The following SPMIP3 variants were observed in gnomAD, a reference collection of about 807,000 sequenced individuals.
SPMIP3 encodes sperm microtubule inner protein 3.
chr1:244,376,688 T>A, the SPMIP3 span, among the ~76,000 whole-genome samples: 1 of 152,250 alleles, frequency 6.6e-6, no homozygotes, highest in Non-Finnish European at 1.5e-5. Flanking sequence ...ATACGATTTA[T>A]CCATTTAATT....
the SPMIP3 span, chr1:244,378,609 C>T: frequency 4.6e-5 from 74 of 1,613,656 alleles, no homozygotes; most frequent in East Asian, 4.5e-5. Context: ...CACTTACCGA[C>T]GAGACTATTC....
At chr1:244,358,430 C>T in the SPMIP3 span, among the ~76,000 whole-genome samples, 4 of 151,346 alleles carry the variant, frequency 2.6e-5, no homozygotes, top group African/African-American at 9.7e-5. Context: ...ACTAAAAATA[C>T]AAAAACTAGC....
the SPMIP3 span, chr1:244,375,433 C>T: frequency 2.5e-6 from 4 of 1,613,946 alleles, no homozygotes; most frequent in Non-Finnish European, 3.4e-6. Flanking sequence ...GCTGGCAAGA[C>T]TCCATTTTGA....
the SPMIP3 span, among the ~76,000 whole-genome samples, chr1:244,367,712 G>A: frequency 1.3e-5 from 2 of 152,200 alleles, no homozygotes; most frequent in Non-Finnish European, 2.9e-5. Flanking sequence ...CGGACTCCCG[G>A]CCAGGTCCAG....
chr1:244,379,806 C>T, the SPMIP3 span, among the ~76,000 whole-genome samples: 10 of 152,012 alleles, frequency 6.6e-5, no homozygotes, highest in Admixed American at 2.0e-4. Context: ...ATGGAGAAAC[C>T]CTGTCTCTAC....
At chr1:244,358,252 A>G in the SPMIP3 span, among the ~76,000 whole-genome samples, 1 of 134,202 alleles carries the variant, frequency 7.5e-6, no homozygotes, top group East Asian at 2.0e-4. Context: ...AAAAGAAAAG[A>G]AAATTAAAAA....
chr1:244,372,972 T>A, the SPMIP3 span, among the ~76,000 whole-genome samples: 1 of 152,160 alleles, frequency 6.6e-6, no homozygotes, highest in South Asian at 2.1e-4. Context: ...ATATCCTCAA[T>A]CAGCCCTATC....
At chr1:244,376,899 C>A in the SPMIP3 span, among the ~76,000 whole-genome samples, 3 of 152,024 alleles carry the variant, frequency 2.0e-5, no homozygotes, top group Admixed American at 2.0e-4. Context: ...CAACCTCTGC[C>A]TTTGGGTTCA....
the SPMIP3 span, among the ~76,000 whole-genome samples, chr1:244,360,507 T>TACAC: frequency 4.7e-3 from 60 of 12,858 alleles, 2 homozygotes; most frequent in South Asian, 0.014. Flanking sequence ...GAAAACGTGA[T>TACAC]ATACACACAC....
the SPMIP3 span, among the ~76,000 whole-genome samples, chr1:244,370,353 C>T: frequency 1.3e-5 from 2 of 152,186 alleles, no homozygotes; most frequent in Non-Finnish European, 2.9e-5. Context: ...CCTAGTCCTT[C>T]CTTTAGTTCT....
At chr1:244,374,433 C>T in the SPMIP3 span, among the ~76,000 whole-genome samples, 2 of 151,846 alleles carry the variant, frequency 1.3e-5, no homozygotes, top group African/African-American at 4.8e-5. Flanking sequence ...TTATTTGTTA[C>T]AGTTAAAAAA....
chr1:244,365,368 C>G, the SPMIP3 span, among the ~76,000 whole-genome samples: 1 of 152,142 alleles, frequency 6.6e-6, no homozygotes, highest in Non-Finnish European at 1.5e-5. Flanking sequence ...TTTTCCCATG[C>G]TGTTCTCCTG....
the SPMIP3 span, among the ~76,000 whole-genome samples, chr1:244,380,510 G>GTAAA: frequency 6.6e-6 from 1 of 152,148 alleles, no homozygotes; most frequent in African/African-American, 2.4e-5. Context: ...GCTCCCTGAA[G>GTAAA]TAAAGTCCTA....
chr1:244,383,116 A>G, the SPMIP3 span, among the ~76,000 whole-genome samples: 1 of 152,194 alleles, frequency 6.6e-6, no homozygotes, highest in Non-Finnish European at 1.5e-5. Context: ...TTACCCACAC[A>G]TATTCCTTCA....
At chr1:244,368,934 C>T in the SPMIP3 span, among the ~76,000 whole-genome samples, 7 of 152,126 alleles carry the variant, frequency 4.6e-5, no homozygotes, top group South Asian at 6.2e-4. Context: ...GCGAGGCAGG[C>T]GGATCATGAG....
chr1:244,376,689 C>G, the SPMIP3 span, among the ~76,000 whole-genome samples: 2 of 152,096 alleles, frequency 1.3e-5, no homozygotes, highest in Admixed American at 1.3e-4. Flanking sequence ...TACGATTTAT[C>G]CATTTAATTC....
the SPMIP3 span, among the ~76,000 whole-genome samples, chr1:244,388,189 A>G: frequency 6.6e-6 from 1 of 151,790 alleles, no homozygotes; most frequent in Non-Finnish European, 1.5e-5. Context: ...TCGGCCTCCC[A>G]AAGTGCTGGG....
At chr1:244,382,993 A>G in the SPMIP3 span, among the ~76,000 whole-genome samples, 1 of 152,048 alleles carries the variant, frequency 6.6e-6, no homozygotes, top group East Asian at 1.9e-4. Flanking sequence ...ACCAGAGATG[A>G]TGGTGGCTGG....
At chr1:244,378,981 T>C in the SPMIP3 span, among the ~76,000 whole-genome samples, 1 of 152,134 alleles carries the variant, frequency 6.6e-6, no homozygotes, top group Non-Finnish European at 1.5e-5. Flanking sequence ...CAGGCTGGAG[T>C]GCAGTGGTGC....
Sources: allele counts gnomAD v4.1 joint callset (sites outside exome capture counted in the v4.1 genomes callset), GRCh38; gene constraint gnomAD v4.1.1; transcripts MANE v1.5; gene names NCBI Gene and HGNC (gene_info 2026-07-23, HGNC 2026-07-21).